Variants in CFTR observed in about 807,000 individuals in gnomAD.
CFTR encodes the protein CF transmembrane conductance regulator, also known as cystic fibrosis transmembrane conductance regulator.
A neutral mutation model predicts 171.6 loss-of-function variants in CFTR; 181 were observed. The observed-to-expected ratio is 1.05, with a 90% CI of 0.93 to 1.19. The LOEUF (loss-of-function observed/expected upper bound fraction) is 1.19. Among genes scored for constraint, CFTR ranks in the 50% most tolerant of loss-of-function variants. CFTR has a pLI of 0.00. For missense variants in CFTR, 1,968 were observed against 1,734.7 expected (o/e 1.13, Z -2.39); for synonymous variants, 583 against 608.0 (o/e 0.96, Z 0.60).
At chr7:117,628,916 A>G (rs1792695946) in intron 22 of CFTR, among the ~76,000 whole-genome samples, 1 of 152,100 alleles carries the variant, frequency 6.6e-6, no homozygotes, top group African/African-American at 2.4e-5. Flanking sequence ...ATTATAAACA[A>G]TAGCCAGAAT....
At chr7:117,549,362 A>C (rs772182891) in intron 10 of CFTR, among the ~76,000 whole-genome samples, 1 of 152,170 alleles carries the variant, frequency 6.6e-6, no homozygotes, top group Admixed American at 6.6e-5. Flanking sequence ...CCTCTTCTCC[A>C]TATCCCACCC....
At chr7:117,629,000 C>T (rs910316627) in intron 22 of CFTR, among the ~76,000 whole-genome samples, 2 of 152,122 alleles carry the variant, frequency 1.3e-5, no homozygotes, top group African/African-American at 2.4e-5. Context: ...CACCCCTTTG[C>T]TTTGCTGATG....
intron 15 of CFTR, among the ~76,000 whole-genome samples, chr7:117,598,748 G>A (rs1334376224): frequency 2.0e-5 from 3 of 152,168 alleles, no homozygotes; most frequent in Admixed American, 6.6e-5. Context: ...ACTACTCAGG[G>A]TGTAAATTCT....
Position 117,489,940 on chromosome 7 carries a change from GACTT to G in CFTR, c.53+9795_53+9798del, listed in dbSNP as rs534000900. On this transcript the variant is annotated intron_variant, in intron 1 of 26. Transcript: ENST00000003084. ...TGGGGCTCATAGTGTGAAAACCACT[GACTT>G]AATTCTTCCCCCATCTTGGTTGTTC... Among the ~76,000 whole-genome samples the G allele has an allele frequency of 1.4e-4, 22 of 152,048 alleles. No individual in the cohort carries two copies. The South Asian group carries it at 4.6e-3, about 32-fold the overall frequency.
In CFTR at chr7:117,534,257, C is replaced by T. The variant is rs1195807950; in HGVS notation, c.490-19C>T. On this transcript the variant is annotated intron_variant, in intron 4 of 26. Coordinates refer to ENST00000003084, the MANE Select transcript of CFTR (RefSeq NM_000492.4). The stretch of plus-strand genomic sequence containing the variant: ...TATTTTGTTTGTTGAAATTATCTAA[C>T]TTTCCATTTTTCTTTTAGACTTTAA... 1.6e-6 allele frequency: 2 copies of T among 1,225,140 alleles called. No individual in the cohort carries two copies. The allele number at this position is 1,225,140 out of a possible 1,614,324, so 75.9% of individuals were successfully genotyped here.
In CFTR at chr7:117,587,783, A is replaced by G. The variant is rs751730446; in HGVS notation, c.1629A>G (p.Glu543=). 8.7e-6 allele frequency: 14 copies of G among 1,612,218 alleles called. No individual in the cohort carries two copies. The highest frequency in any genetic ancestry group is 1.2e-5 in the Non-Finnish European group (14 of 1,178,570). The stretch of plus-strand genomic sequence containing the variant: ...AGAAAGACAATATAGTTCTTGGAGA[A>G]GGTGGAATCACACTGAGTGGAGGTC... ...FAEKDNIVLG[E]GGITLSGGQR... Residue 543 remains glutamate (E), a synonymous_variant, in exon 12 of 27, where the codon GAA becomes GAG. Transcript: ENST00000003084.
chr7:117,530,053 AGTG>A (rs1798834407), intron 3 of CFTR, among the ~76,000 whole-genome samples: 1 of 152,150 alleles, frequency 6.6e-6, no homozygotes, highest in Admixed American at 6.6e-5. Context: ...ATTCAGGAGA[AGTG>A]GTAATAAATT....
rs397515498 is a variant in CFTR at position 117,592,618 on chromosome 7, CT to C, written c.2453del (p.Leu818TrpfsTer3). ...YSRRLSQETG[L>X]EISEEINEED... is the part of the protein sequence containing the mutation. The stretch of plus-strand genomic sequence containing the variant: ...CAAGAAGGTTATCTCAAGAAACTGG[CT>C]TGGAAATAAGTGAAGAAATTAACGA... On this transcript the variant is annotated frameshift_variant, in exon 14 of 27. Transcript: ENST00000003084. LOFTEE classifies it high-confidence loss of function. 1.3e-6 allele frequency: 2 copies of C among 1,533,312 alleles called. No homozygotes were observed. The highest frequency in any genetic ancestry group is 1.7e-6 in the Non-Finnish European group (2 of 1,147,708). 95.0% of individuals were successfully genotyped at this position (1,533,312 alleles called of 1,614,324 possible).
chr7:117,500,278 CTTTT>C (rs745627454), intron 1 of CFTR, among the ~76,000 whole-genome samples: 1 of 76,452 alleles, frequency 1.3e-5, no homozygotes, highest in African/African-American at 5.2e-5. Flanking sequence ...TTCTTCCTTT[CTTTT>C]TTTTTTTTTT....
At chr7:117,559,929 A>G (rs1562898635) in intron 11 of CFTR, among the ~76,000 whole-genome samples, 1 of 152,112 alleles carries the variant, frequency 6.6e-6, no homozygotes, top group Non-Finnish European at 1.5e-5. Context: ...TTGTTCACTC[A>G]TTAGTGAGAC....
chr7:117,614,569 G>A (rs768870771), intron 20 of CFTR, 44 bp from the exon 21 acceptor site: 1 of 1,253,230 alleles, frequency 8.0e-7, no homozygotes, highest in Non-Finnish European at 1.2e-6. Context: ...TCACAGAAGA[G>A]AGAAATAACA....
At position 117,592,291 on chromosome 7, in the gene CFTR, A is replaced by C; in HGVS notation, c.2124A>C (p.Ile708=). ...KNSILNPINS[I]RKFSIVQKTP... ...CTATTCTCAATCCAATCAACTCTATACGAAAATTTTCCATTGTGCAAAAGA... is the reference window on the plus strand; with the variant it reads ...CTATTCTCAATCCAATCAACTCTATCCGAAAATTTTCCATTGTGCAAAAGA... The change falls in exon 14 of 27, where the codon ATA becomes ATC. Residue 708 remains isoleucine (I), a synonymous_variant. Transcript: ENST00000003084. The C allele has an allele frequency of 6.2e-7, 1 of 1,614,108 alleles. No homozygotes were observed.
In CFTR at chr7:117,590,435, G is replaced by A. The variant is rs755986694; in HGVS notation, c.1762G>A (p.Glu588Lys). ...TGTTTTAACAGAAAAAGAAATATTT[G>A]AAAGGTATGTTCTTTGAATACCTTA... ...LDVLTEKEIF[E>K]SCVCKLMANK... Residue 588 changes from glutamate (E) to lysine (K), a missense_variant, in exon 13 of 27, where the codon GAA becomes AAA. By Grantham distance (56) the Glu-to-Lys change is moderately conservative (BLOSUM62 1). Transcript: ENST00000003084. The A allele has an allele frequency of 6.2e-6, 10 of 1,600,762 alleles. No individual in the cohort carries two copies. Among genetic ancestry groups the A allele is most frequent in the Non-Finnish European group, 7.7e-6 (9 of 1,170,816 alleles).
chr7:117,611,973 T>A (rs1179920433), intron 20 of CFTR, among the ~76,000 whole-genome samples, 165 bp downstream of exon 20: 1 of 143,976 alleles, frequency 6.9e-6, no homozygotes, highest in Non-Finnish European at 1.5e-5. Flanking sequence ...TTTCCATTGT[T>A]TTATTGTTAA....
At chr7:117,617,881 C>T (rs889743774) in intron 21 of CFTR, among the ~76,000 whole-genome samples, 1 of 152,010 alleles carries the variant, frequency 6.6e-6, no homozygotes, top group Non-Finnish European at 1.5e-5. Context: ...TTTTCTCAAT[C>T]CACTTTCATT....
intron 22 of CFTR, among the ~76,000 whole-genome samples, chr7:117,630,789 G>C (rs1475186356): frequency 2.0e-5 from 3 of 152,042 alleles, no homozygotes; most frequent in African/African-American, 7.2e-5. Context: ...GGGGTGGTTC[G>C]GAGATTCTCT....
At chr7:117,561,636 T>C (rs1799466633) in intron 11 of CFTR, among the ~76,000 whole-genome samples, 1 of 152,134 alleles carries the variant, frequency 6.6e-6, no homozygotes, top group African/African-American at 2.4e-5. Context: ...ATTCAGCAAA[T>C]ATTTATTAAG....
intron 23 of CFTR, among the ~76,000 whole-genome samples, chr7:117,649,872 A>G (rs1793061991): frequency 6.6e-6 from 1 of 152,126 alleles, no homozygotes; most frequent in Non-Finnish European, 1.5e-5. Flanking sequence ...GAGGATCAGG[A>G]AAGATACCCC....
chr7:117,533,353 G>A (rs913770663), intron 4 of CFTR, among the ~76,000 whole-genome samples: 1 of 152,058 alleles, frequency 6.6e-6, no homozygotes, highest in Non-Finnish European at 1.5e-5. Flanking sequence ...CCTTCCAGAT[G>A]ATTTTTCTAA....
Sources: allele counts gnomAD v4.1 joint callset (sites outside exome capture counted in the v4.1 genomes callset), GRCh38; gene constraint gnomAD v4.1.1; transcripts MANE v1.5; gene names NCBI Gene and HGNC (gene_info 2026-07-23, HGNC 2026-07-21).